MFHAS1: variants seen among roughly 807,000 people sequenced by gnomAD.
MFHAS1 encodes the protein malignant fibrous histiocytoma-amplified sequence 1.
In MFHAS1, 50 loss-of-function variants were observed where a neutral mutation model predicts 70.4. The ratio of observed to expected loss-of-function variants is 0.71; its 90% CI spans 0.57 to 0.90. MFHAS1 has a LOEUF of 0.90. Among genes scored for constraint, MFHAS1 ranks in the 40% least tolerant of loss-of-function variants. The pLI is 0.00. For synonymous variants in MFHAS1, 952 were observed against 620.0 expected (o/e 1.54, Z -7.96); for missense variants, 1,795 against 1,347.6 (o/e 1.33, Z -5.20).
chr8:8,831,862 T>A (rs948405101), intron 1 of MFHAS1, among the ~76,000 whole-genome samples: 15 of 152,304 alleles, frequency 9.8e-5, no homozygotes, highest in Non-Finnish European at 1.8e-4. Context: ...TCTGCCTGCC[T>A]CAGCCTCCCA....
At chr8:8,786,876 C>T (rs534655722) in intron 2 of MFHAS1, among the ~76,000 whole-genome samples, 1 of 152,086 alleles carries the variant, frequency 6.6e-6, no homozygotes, top group East Asian at 1.9e-4. Context: ...ATACAAGATT[C>T]AGTCATGGGC....
intron 1 of MFHAS1, among the ~76,000 whole-genome samples, chr8:8,837,606 G>A (rs1003409469): frequency 6.6e-6 from 1 of 151,646 alleles, no homozygotes; most frequent in African/African-American, 2.4e-5. Context: ...TCGCGCCACT[G>A]CACTCCAGCC....
At chr8:8,815,524 A>G (rs1237472180) in intron 1 of MFHAS1, among the ~76,000 whole-genome samples, 1 of 152,194 alleles carries the variant, frequency 6.6e-6, no homozygotes, top group Admixed American at 6.5e-5. Flanking sequence ...CTTCGCCAGC[A>G]TCTGTTGCTT....
At chr8:8,841,025 G>A (rs998928539) in intron 1 of MFHAS1, among the ~76,000 whole-genome samples, 1 of 152,122 alleles carries the variant, frequency 6.6e-6, no homozygotes, top group African/African-American at 2.4e-5. Flanking sequence ...TATTTTAAAT[G>A]TCTTCATTTA....
chr8:8,805,522 T>A (rs62495538), intron 1 of MFHAS1, among the ~76,000 whole-genome samples: 5 of 152,134 alleles, frequency 3.3e-5, no homozygotes, highest in Non-Finnish European at 7.3e-5. Context: ...TGTCTGTTCA[T>A]TGAGGAGGCT....
intron 2 of MFHAS1, among the ~76,000 whole-genome samples, chr8:8,796,300 C>T (rs1050021784): frequency 2.6e-5 from 4 of 152,180 alleles, no homozygotes; most frequent in Non-Finnish European, 4.4e-5. Context: ...CAACAGAAAA[C>T]GGCCTATTAC....
intron 1 of MFHAS1, among the ~76,000 whole-genome samples, chr8:8,804,814 C>T (rs186584797): frequency 2.3e-4 from 35 of 152,368 alleles, no homozygotes; most frequent in African/African-American, 7.0e-4. Context: ...GGATGACGGG[C>T]GCCTTTCAGT....
At chr8:8,804,647 C>T (rs1279403773) in intron 1 of MFHAS1, among the ~76,000 whole-genome samples, 1 of 152,204 alleles carries the variant, frequency 6.6e-6, no homozygotes, top group Non-Finnish European at 1.5e-5. Flanking sequence ...TTGGCTTCTT[C>T]CACTTCTTCC....
chr8:8,888,128 A>C (rs931551713), intron 1 of MFHAS1, among the ~76,000 whole-genome samples: 8 of 152,212 alleles, frequency 5.3e-5, no homozygotes, highest in African/African-American at 1.7e-4. Flanking sequence ...AAACAAACTG[A>C]AGAGTCTACC....
At chr8:8,849,170 T>A (rs962066885) in intron 1 of MFHAS1, among the ~76,000 whole-genome samples, 6 of 139,116 alleles carry the variant, frequency 4.3e-5, no homozygotes, top group African/African-American at 1.6e-4. Flanking sequence ...AACCTCTGCC[T>A]CCCGTGTTCA....
intron 1 of MFHAS1, among the ~76,000 whole-genome samples, chr8:8,799,826 G>A (rs74300881): frequency 0.051 from 7,690 of 152,258 alleles, 414 homozygotes; most frequent in African/African-American, 0.13. Context: ...CACTGATAGC[G>A]CAGGCCCATA....
chr8:8,885,787 G>A (rs1486637553), intron 1 of MFHAS1, among the ~76,000 whole-genome samples: 1 of 152,226 alleles, frequency 6.6e-6, no homozygotes, highest in Non-Finnish European at 1.5e-5. Context: ...TCAGCTCACT[G>A]CAACCTCCGC....
rs532982076 is a variant in MFHAS1, at chr8:8,787,370, G to A, written c.3126-1315C>T. 4.6e-5 allele frequency among the ~76,000 whole-genome samples: 7 copies of A among 152,100 alleles called. No individual in the cohort carries two copies. In the South Asian group the frequency reaches 8.3e-4, roughly 18 times the overall value. On this transcript the variant is annotated intron_variant, in intron 2 of 2. Transcript: ENST00000276282. ...ACTGGGATTACAGGTGTGAGCCACT[G>A]CGCCCGGCCTCAGCATCTTACTAGG...
chr8:8,850,924 C>T, intron 1 of MFHAS1, among the ~76,000 whole-genome samples: 1 of 151,874 alleles, frequency 6.6e-6, no homozygotes, highest in East Asian at 1.9e-4. Context: ...GATCTCTTCT[C>T]TTTCCCCATC....
Position 8,891,914 on chromosome 8 carries a change from T to A in MFHAS1, c.1145A>T (p.Tyr382Phe). 6.2e-7 allele frequency: 1 copy of A among 1,610,564 alleles called. No homozygotes were observed. The highest frequency in any genetic ancestry group is 8.5e-7 in the Non-Finnish European group (1 of 1,178,204). Residue 382 changes from tyrosine to phenylalanine, a missense_variant, in exon 1 of 3, where the codon TAC becomes TTC. Physicochemically the swap from Tyr to Phe is conservative, Grantham distance 22. Transcript: ENST00000276282. The surrounding 1 kb of genome is among the most constrained non-coding windows in gnomAD (Gnocchi z 5.4). ...IKDNPLIQPP[Y>F]EVCMKGIPYI... ...GGGGATCCCCTTCATGCAGACCTCG[T>A]AGGGGGGCTGGATCAGTGGGTTGTC... is the stretch of plus-strand genomic sequence containing the variant.
At chr8:8,889,970 T>A in intron 1 of MFHAS1, 91 bp downstream of exon 1, 1 of 1,129,004 alleles carries the variant, frequency 8.9e-7, no homozygotes, top group Non-Finnish European at 1.3e-6. Context: ...CCCGTGAAGT[T>A]AAACAAACAT....
rs1283893517 is a variant in MFHAS1, at chr8:8,785,305, T to C, written c.*717A>G. On this transcript the variant is annotated 3_prime_UTR_variant, in exon 3 of 3. Coordinates refer to ENST00000276282, the MANE Select transcript of MFHAS1 (RefSeq NM_004225.3). ...TCATTGAAAAGAAGGGAAGGGACAC[T>C]GTCTTAAATGCACATTTAAGGTTCT... 6.6e-6 allele frequency: 1 copy of C among 152,192 alleles called. No homozygotes were observed. Among genetic ancestry groups the C allele is most frequent in the Non-Finnish European group, 1.5e-5 (1 of 68,034 alleles). 9.4% of individuals were successfully genotyped at this position (152,192 alleles called of 1,614,324 possible).
At chr8:8,879,282 C>T (rs920210133) in intron 1 of MFHAS1, among the ~76,000 whole-genome samples, 11 of 151,936 alleles carry the variant, frequency 7.2e-5, no homozygotes, top group South Asian at 4.1e-4. Context: ...ACCCGGGAGG[C>T]GGAAGCTGCA....
Position 8,892,690 on chromosome 8 carries a change from C to T in MFHAS1, c.369G>A (p.Leu123=), listed in dbSNP as rs983997944. 6.3e-7 allele frequency: 1 copy of T among 1,581,498 alleles called. No individual in the cohort carries two copies. Among genetic ancestry groups the T allele is most frequent in the Non-Finnish European group, 8.6e-7 (1 of 1,163,874 alleles). ...LTELDVSHNR[L]TALGAEVVSA... ...TCACCACCTCCGCGCCCAGGGCGGT[C>T]AGCCGGTTGTGGCTCACGTCCAGCT... The change falls in exon 1 of 3, where the codon CTG becomes CTA. Residue 123 remains leucine, a synonymous_variant. Transcript: ENST00000276282. This position sits in a 1 kb window ranked among gnomAD's most constrained non-coding sequence, Gnocchi z 4.7.
Sources: allele counts gnomAD v4.1 joint callset (sites outside exome capture counted in the v4.1 genomes callset), GRCh38; gene constraint gnomAD v4.1.1; non-coding constraint Gnocchi (gnomAD v3.1); transcripts MANE v1.5; gene names NCBI Gene and HGNC (gene_info 2026-07-23, HGNC 2026-07-21).